The following ERCC6L2 variants were observed in gnomAD, a reference collection of about 807,000 sequenced individuals.
ERCC6L2 encodes the protein DNA excision repair protein ERCC-6-like 2.
A neutral mutation model predicts 132.0 loss-of-function variants in ERCC6L2; 77 were observed. The ratio of observed to expected loss-of-function variants is 0.58; its 90% CI spans 0.49 to 0.71. The LOEUF is 0.71. Among genes scored for constraint, ERCC6L2 ranks in the 30% least tolerant of loss-of-function variants. The pLI is 0.00. For missense variants in ERCC6L2, 1,542 were observed against 1,837.6 expected (o/e 0.84, Z 2.94); for synonymous variants, 583 against 632.4 (o/e 0.92, Z 1.17).
chr9:95,986,560 A>C (rs77990321), intron 17 of ERCC6L2, among the ~76,000 whole-genome samples: 4,907 of 139,862 alleles, frequency 0.035, 142 homozygotes, highest in Non-Finnish European at 0.05. Context: ...GCAGTGATGT[A>C]GTCTCTGCTC....
At chr9:96,029,110 C>T (rs531745724) in intron 19 of ERCC6L2, among the ~76,000 whole-genome samples, 21 of 152,032 alleles carry the variant, frequency 1.4e-4, no homozygotes, top group East Asian at 1.4e-3. Flanking sequence ...CGAGACCATC[C>T]TGGCTAACAT....
intron 17 of ERCC6L2, among the ~76,000 whole-genome samples, chr9:95,991,445 A>G (rs940768151): frequency 2.0e-5 from 3 of 152,188 alleles, no homozygotes; most frequent in African/African-American, 2.4e-5. Flanking sequence ...TAATTGTTTG[A>G]GTTGCAAATT....
chr9:95,950,321 A>C (rs1831271968), intron 12 of ERCC6L2, among the ~76,000 whole-genome samples: 1 of 152,246 alleles, frequency 6.6e-6, no homozygotes, highest in Non-Finnish European at 1.5e-5. Context: ...TGGTAACCAC[A>C]ACAAAAATAT....
chr9:95,940,577 G>A lies in ERCC6L2; in HGVS notation c.1752-877G>A, dbSNP rs117839904. ...TGAAATGTATTGCTAGTTTGATTCCGTTATTGTTAGAGAACATACTCAGTA... is the reference window on the plus strand; with the variant it reads ...TGAAATGTATTGCTAGTTTGATTCCATTATTGTTAGAGAACATACTCAGTA... On this transcript the variant is annotated intron_variant, in intron 11 of 18. Coordinates refer to ENST00000653738, the MANE Select transcript of ERCC6L2 (RefSeq NM_020207.7). 5.2e-3 allele frequency among the ~76,000 whole-genome samples: 790 copies of A among 152,022 alleles called. 6 individuals are homozygous for A. Among genetic ancestry groups the A allele is most frequent in the Non-Finnish European group, 5.3e-3 (362 of 67,972 alleles).
chr9:95,953,492 T>A (rs1831444032), intron 12 of ERCC6L2, among the ~76,000 whole-genome samples: 1 of 150,556 alleles, frequency 6.6e-6, no homozygotes, highest in African/African-American at 2.4e-5. Context: ...AGGAGAATGG[T>A]GTGAACCAGG....
rs1829548238 is a variant in ERCC6L2, at chr9:95,915,665, T to C, written c.789-3T>C. The stretch of plus-strand genomic sequence containing the variant: ...CTCACCCTTCTTTTTTCTTACTTTA[T>C]AGTTTGGAATGGTCAGCTGTCATTG... On this transcript the variant is annotated splice_polypyrimidine_tract_variant and splice_region_variant and intron_variant, in intron 4 of 18. Transcript: ENST00000653738. The C allele has an allele frequency of 6.2e-7, 1 of 1,604,674 alleles. No individual in the cohort carries two copies. The highest frequency in any genetic ancestry group is 8.5e-7 in the Non-Finnish European group (1 of 1,176,504).
intron 19 of ERCC6L2, among the ~76,000 whole-genome samples, chr9:96,030,963 G>A (rs912281925): frequency 7.9e-5 from 12 of 152,308 alleles, no homozygotes; most frequent in African/African-American, 2.9e-4. Flanking sequence ...CCTGGTGCTT[G>A]TCGCGCCCCC....
intron 6 of ERCC6L2, among the ~76,000 whole-genome samples, chr9:95,919,717 C>T (rs926152278): frequency 1.3e-5 from 2 of 152,162 alleles, no homozygotes; most frequent in African/African-American, 4.8e-5. Context: ...TAGTAAATTC[C>T]TGCTGGAGAA....
intron 6 of ERCC6L2, 111 bp from the exon 7 acceptor site, chr9:95,921,064 T>G (rs1034933790): frequency 1.9e-6 from 2 of 1,048,150 alleles, no homozygotes; most frequent in African/African-American, 1.7e-5. Flanking sequence ...CGTGAGCCTC[T>G]GCGCCCGGCC....
chr9:95,921,669 A>C (rs958097892), intron 7 of ERCC6L2, among the ~76,000 whole-genome samples: 3 of 152,210 alleles, frequency 2.0e-5, no homozygotes, highest in African/African-American at 7.2e-5. Context: ...TAGGAGGCTT[A>C]AAATACTATT....
At chr9:95,951,540 A>G (rs1289692310) in intron 12 of ERCC6L2, among the ~76,000 whole-genome samples, 1 of 152,142 alleles carries the variant, frequency 6.6e-6, no homozygotes, top group Non-Finnish European at 1.5e-5. Context: ...GATCAAGAAA[A>G]TGGTGGATAA....
In ERCC6L2 at chr9:95,888,066, T is replaced by TG. The variant is rs1284012870; in HGVS notation, c.471+6775dup. 8.8e-5 allele frequency among the ~76,000 whole-genome samples: 11 copies of TG among 124,790 alleles called. No homozygotes were observed. The East Asian group carries it at 3.2e-3, about 36-fold the overall frequency. 81.9% of individuals were successfully genotyped at this position (124,790 alleles called of 152,430 possible). A position where few individuals can be genotyped will look rare whatever the true frequency, so the allele number is the denominator to read the frequency against. ...GACCCCATTTCAAAACAGCACTTTGTGGTTTTTTTTTTTTTTTCAAAGCGA... is the reference window on the plus strand; with the variant it reads ...GACCCCATTTCAAAACAGCACTTTGTGGGTTTTTTTTTTTTTTTCAAAGCGA... On this transcript the variant is annotated intron_variant, in intron 2 of 18. Coordinates refer to ENST00000653738, the MANE Select transcript of ERCC6L2 (RefSeq NM_020207.7).
intron 8 of ERCC6L2, 138 bp downstream of exon 8, chr9:95,922,556 CAAG>C (rs1440993436): frequency 3.0e-5 from 18 of 602,882 alleles, no homozygotes; most frequent in African/African-American, 1.9e-4. Context: ...ATGTAGATAT[CAAG>C]GAGTATGTGC....
At chr9:95,987,720 G>A (rs1380142778) in intron 17 of ERCC6L2, among the ~76,000 whole-genome samples, 2 of 152,138 alleles carry the variant, frequency 1.3e-5, no homozygotes, top group Admixed American at 1.3e-4. Flanking sequence ...GAGTATGGTG[G>A]CCCTCTTCTC....
chr9:95,877,846 T>C (rs1040213313), intron 1 of ERCC6L2, among the ~76,000 whole-genome samples: 7 of 151,898 alleles, frequency 4.6e-5, no homozygotes, highest in African/African-American at 1.5e-4. Context: ...TAAATTCGCA[T>C]GTTCACTGAA....
rs57310402 is a variant in ERCC6L2 at position 95,952,166 on chromosome 9, TAAA to T, written c.1848-3731_1848-3729del. Among the ~76,000 whole-genome samples the T allele has an allele frequency of 6.9e-5, 4 of 57,734 alleles. No homozygotes were observed. In the East Asian group the frequency reaches 1.8e-3, roughly 26 times the overall value. The allele number at this position is 57,734 out of a possible 152,430, so 37.9% of individuals were successfully genotyped here. On this transcript the variant is annotated intron_variant, in intron 12 of 18. Transcript: ENST00000653738. ...CTGGCAACAGAGTGAGACTCCATCT[TAAA>T]AAAAAAAAAAAAAAAAGAATTTGCA...
chr9:95,890,795 A>G (rs527742837), intron 2 of ERCC6L2, among the ~76,000 whole-genome samples: 1 of 152,162 alleles, frequency 6.6e-6, no homozygotes, highest in Admixed American at 6.5e-5. Context: ...CAGCCTCCCG[A>G]GTAGCTGGGA....
At chr9:95,878,524 C>T (rs906872222) in intron 1 of ERCC6L2, among the ~76,000 whole-genome samples, 50 of 150,330 alleles carry the variant, frequency 3.3e-4, no homozygotes, top group African/African-American at 1.1e-3. Flanking sequence ...TTTTATTATA[C>T]TTTAAGTTTT....
At chr9:95,968,323 A>G (rs1358866230) in intron 14 of ERCC6L2, 1 of 152,180 alleles carries the variant, frequency 6.6e-6, no homozygotes, top group African/African-American at 2.4e-5. Flanking sequence ...TCTAATTGAT[A>G]TTAATAAGGG....
Sources: allele counts gnomAD v4.1 joint callset (sites outside exome capture counted in the v4.1 genomes callset), GRCh38; gene constraint gnomAD v4.1.1; transcripts MANE v1.5; gene names NCBI Gene and HGNC (gene_info 2026-07-23, HGNC 2026-07-21).